The following LTN1 variants were observed in gnomAD, a reference collection of about 807,000 sequenced individuals.
LTN1 encodes E3 ubiquitin-protein ligase listerin.
In LTN1, 88 loss-of-function variants were observed where a neutral mutation model predicts 201.2. That is an observed-to-expected ratio of 0.44 (90% CI 0.37 to 0.52). The LOEUF is 0.52. LTN1 is among the 20% of genes least tolerant of loss of function. LTN1 has a pLI of 0.00. For missense variants in LTN1, 1,752 were observed against 2,038.7 expected (o/e 0.86, Z 2.71); for synonymous variants, 645 against 713.5 (o/e 0.90, Z 1.53).
chr21:28,959,660 A>C lies in LTN1; in HGVS notation c.2391T>G (p.Ile797Met), dbSNP rs755493695. Residue 797 changes from isoleucine to methionine, a missense_variant, in exon 13 of 30, where the codon ATT becomes ATG. Physicochemically the swap from Ile to Met is conservative, Grantham distance 10. Coordinates refer to ENST00000361371, the MANE Select transcript of LTN1 (RefSeq NM_015565.3). The stretch of plus-strand genomic sequence containing the variant: ...TGAATAAAGTTTCATGAAGTCTAAC[A>C]ATGATTCTTTCAACATATACGTCTC... ...LIGDVYVERI[I>M]VRLHETLFKT... The C allele has an allele frequency of 1.2e-6, 2 of 1,613,364 alleles. No homozygotes were observed. Among genetic ancestry groups the C allele is most frequent in the South Asian group, 2.2e-5 (2 of 91,004 alleles).
Position 28,986,503 on chromosome 21 carries a change from A to G in LTN1, c.246+228T>C, listed in dbSNP as rs1821709812. 3 of 656,530 alleles carry G rather than the reference A, an allele frequency of 4.6e-6. No individual in the cohort carries two copies. Among genetic ancestry groups the G allele is most frequent in the Non-Finnish European group, 8.0e-6 (3 of 373,288 alleles). The allele number at this position is 656,530 out of a possible 1,614,324, so 40.7% of individuals were successfully genotyped here. On this transcript the variant is annotated intron_variant, in intron 2 of 29. Transcript: ENST00000361371. This position sits in a 1 kb window ranked among gnomAD's most constrained non-coding sequence, Gnocchi z 4.1. ...GTTACATTCCCTAATGGGAAAAACT[A>G]TACAGCCAAAATTCCAAAGCACTTT...
chr21:28,970,554 A>G lies in LTN1; in HGVS notation c.1173T>C (p.Ala391=), dbSNP rs1245491858. The change falls in exon 8 of 30, where the codon GCT becomes GCC. Residue 391 remains alanine, a splice_region_variant and synonymous_variant. Transcript: ENST00000361371. ...AATCAAAAATTTAAATTACTTACCC[A>G]GCAACTAGAGACGTGAGGAAATTTT... ...FFKNFLTSLV[A]GLSTERTKTS... 4 of 1,602,726 alleles carry G rather than the reference A, an allele frequency of 2.5e-6. No homozygotes were observed. The Admixed American group carries it at 6.8e-5, about 27-fold the overall frequency.
chr21:28,992,786 T>C lies in LTN1; in HGVS notation c.20A>G (p.Gln7Arg). ...CACCCTCAGGTTCCCTTTAGTTCGC[T>C]GCTTGTTCTTCCCGCCCATGGTCGC... The part of the protein sequence containing the change: MGGKNK[Q>R]RTKGNLRPSN... The change falls in exon 1 of 30, where the codon CAG becomes CGG. Residue 7 changes from glutamine to arginine, a missense_variant. By Grantham distance (43) the Gln-to-Arg change is conservative. Coordinates refer to ENST00000361371, the MANE Select transcript of LTN1 (RefSeq NM_015565.3). 5.0e-6 allele frequency: 8 copies of C among 1,614,254 alleles called. No individual in the cohort carries two copies. The highest frequency in any genetic ancestry group is 6.8e-6 in the Non-Finnish European group (8 of 1,180,042).
Position 28,970,727 on chromosome 21 carries a change from C to G in LTN1, c.1000G>C (p.Val334Leu), listed in dbSNP as rs376596181. 6.2e-7 allele frequency: 1 copy of G among 1,613,674 alleles called. No homozygotes were observed. The highest frequency in any genetic ancestry group is 8.5e-7 in the Non-Finnish European group (1 of 1,179,744). Residue 334 changes from valine (V) to leucine (L), a missense_variant, in exon 8 of 30, where the codon GTA becomes CTA. Physicochemically the swap from Val to Leu is conservative, Grantham distance 32 (BLOSUM62 1). Coordinates refer to ENST00000361371, the MANE Select transcript of LTN1 (RefSeq NM_015565.3). ...LTTIEDCWLH[V>L]NAKKSVFPKL... Reference sequence around the variant, plus strand: ...GGAAACACACTCTTTTTTGCATTTACATGAAGCCAACAGTCCTAACCAAAC... The same window carrying G: ...GGAAACACACTCTTTTTTGCATTTAGATGAAGCCAACAGTCCTAACCAAAC...
rs532627238 is a variant in LTN1 at position 28,932,540 on chromosome 21, T to C, written c.5000A>G (p.Lys1667Arg). ...CTGCTGAACAGCTACTCCTACTCTT[T>C]TCCCACTTTCTACTATTATTGAACC... is the stretch of plus-strand genomic sequence containing the variant. Reference protein sequence around the residue: ...PLGSIIVESGKRVGVAVQQWR... With the variant: ...PLGSIIVESGRRVGVAVQQWR... The change falls in exon 28 of 30, where the codon AAA becomes AGA. Residue 1667 changes from lysine (K) to arginine (R), a missense_variant. Transcript: ENST00000361371. 4.8e-5 allele frequency: 78 copies of C among 1,614,140 alleles called. 1 individual carries two copies. The South Asian group carries it at 8.6e-4, about 18-fold the overall frequency.
intron 11 of LTN1, among the ~76,000 whole-genome samples, chr21:28,964,030 T>C (rs2084500955): frequency 6.6e-6 from 1 of 152,182 alleles, no homozygotes; most frequent in Non-Finnish European, 1.5e-5. Context: ...GATAAGAAAG[T>C]GGTTTCTTGA....
In LTN1 at chr21:28,986,286, G is replaced by T. The variant is rs772045965; in HGVS notation, c.247-49C>A. 2 of 1,064,106 alleles carry T rather than the reference G, an allele frequency of 1.9e-6. No individual in the cohort carries two copies. The highest frequency in any genetic ancestry group is 3.8e-5 in the Admixed American group (2 of 52,500). The allele number at this position is 1,064,106 out of a possible 1,614,324, so 65.9% of individuals were successfully genotyped here. ...TTAGGATTAACAACCATAATAACTG[G>T]CTATAGATTATTCTGTTCTGGAAGC... On this transcript the variant is annotated intron_variant, in intron 2 of 29. Transcript: ENST00000361371. This position sits in a 1 kb window ranked among gnomAD's most constrained non-coding sequence, Gnocchi z 4.1.
At chr21:28,984,502 C>G (rs1217155081) in intron 4 of LTN1, among the ~76,000 whole-genome samples, 190 bp downstream of exon 4, 1 of 151,842 alleles carries the variant, frequency 6.6e-6, no homozygotes, top group Non-Finnish European at 1.5e-5. Context: ...AGATCCAATC[C>G]AAAATGTTAA....
At chr21:28,969,703 CAT>C in intron 8 of LTN1, 102 bp from the exon 9 acceptor site, 2 of 759,754 alleles carry the variant, frequency 2.6e-6, no homozygotes, top group Non-Finnish European at 4.0e-6. Context: ...ACAGAAGAAA[CAT>C]TTTTAAAGCA....
In LTN1 at chr21:28,960,722, T is replaced by A. The variant is rs899472799; in HGVS notation, c.2164-16A>T. ...TAGGACATGCCTAAAACCATAAAAT[T>A]AAAGCAAAGATTAACAGCAAGATCA... On this transcript the variant is annotated splice_polypyrimidine_tract_variant and intron_variant, in intron 11 of 29. Coordinates refer to ENST00000361371, the MANE Select transcript of LTN1 (RefSeq NM_015565.3). The A allele has an allele frequency of 1.3e-6, 2 of 1,577,302 alleles. No homozygotes were observed. Among genetic ancestry groups the A allele is most frequent in the Admixed American group, 1.7e-5 (1 of 58,552 alleles).
At chr21:28,958,020 C>T (rs1007203289) in intron 14 of LTN1, among the ~76,000 whole-genome samples, 1 of 152,144 alleles carries the variant, frequency 6.6e-6, no homozygotes, top group Non-Finnish European at 1.5e-5. Flanking sequence ...ATGAGTCCAG[C>T]AGGTATGTTA....
intron 6 of LTN1, among the ~76,000 whole-genome samples, chr21:28,974,811 T>A (rs1227183135): frequency 1.3e-5 from 2 of 152,154 alleles, no homozygotes; most frequent in Non-Finnish European, 2.9e-5. Context: ...ATTTTTAAAA[T>A]TTTTTTAGAG....
intron 15 of LTN1, among the ~76,000 whole-genome samples, 185 bp downstream of exon 15, chr21:28,957,147 C>A (rs1360675798): frequency 6.6e-6 from 1 of 152,152 alleles, no homozygotes; most frequent in Non-Finnish European, 1.5e-5. Flanking sequence ...TTGTACCATG[C>A]CCACTGCCAC....
At position 28,987,865 on chromosome 21, in the gene LTN1, C is replaced by T. The variant is rs149168372; in HGVS notation, c.43-931G>A. ...TGTGATTCAAATTGCTCATACCGGC[C>T]GGGCACAGTGGCTCACGCCTGTAAT... On this transcript the variant is annotated intron_variant, in intron 1 of 29. Transcript: ENST00000361371. Among the ~76,000 whole-genome samples the T allele has an allele frequency of 3.3e-4, 50 of 152,336 alleles. No homozygotes were observed. The Middle Eastern group carries it at 0.01, about 31-fold the overall frequency.
At chr21:28,960,951 T>C in intron 11 of LTN1, 1 of 322,008 alleles carries the variant, frequency 3.1e-6, no homozygotes, top group South Asian at 7.6e-5. Flanking sequence ...CCCCCCCTTT[T>C]TTTTTTAACT....
chr21:28,943,842 T>C lies in LTN1; in HGVS notation c.4045A>G (p.Thr1349Ala), dbSNP rs1353029764. Residue 1349 changes from threonine (T) to alanine (A), a missense_variant, in exon 23 of 30, where the codon ACA becomes GCA. Physicochemically the swap from Thr to Ala is moderately conservative, Grantham distance 58. Coordinates refer to ENST00000361371, the MANE Select transcript of LTN1 (RefSeq NM_015565.3). ...QNAMLKPMCE[T>A]LTYISKEQLL... is the part of the protein sequence containing the mutation. ...TGTTCCTTTGAGATATACGTTAATG[T>C]TTCACACATGGGTTTCAGCATTGCA... 3 of 1,613,854 alleles carry C rather than the reference T, an allele frequency of 1.9e-6. No individual in the cohort carries two copies. The Admixed American group carries it at 5.0e-5, about 27-fold the overall frequency.
intron 4 of LTN1, among the ~76,000 whole-genome samples, chr21:28,983,063 A>T (rs1311058810): frequency 7.9e-5 from 12 of 152,184 alleles, no homozygotes; most frequent in Admixed American, 7.9e-4. Flanking sequence ...TGTGACCCAG[A>T]GCCCATGTCT....
intron 13 of LTN1, 129 bp downstream of exon 13, chr21:28,959,329 C>G: frequency 2.8e-6 from 3 of 1,059,634 alleles, no homozygotes; most frequent in Non-Finnish European, 2.7e-6. Flanking sequence ...AAGACTGTAG[C>G]CCTTTACTCA....
intron 6 of LTN1, among the ~76,000 whole-genome samples, chr21:28,979,772 C>G (rs1470582882): frequency 3.9e-5 from 6 of 152,040 alleles, no homozygotes; most frequent in Admixed American, 3.9e-4. Flanking sequence ...GAGTTTGAGA[C>G]CAGCCTGGCC....
Sources: gnomAD v4.1 joint callset for allele counts (sites outside exome capture counted in the v4.1 genomes callset) on GRCh38, gnomAD v4.1.1 for gene constraint, Gnocchi (gnomAD v3.1) non-coding constraint, MANE v1.5 for transcripts, NCBI Gene and HGNC (gene_info 2026-07-23, HGNC 2026-07-21) for gene names.